The following ENTREP2 variants were observed in gnomAD, a reference collection of about 807,000 sequenced individuals.
ENTREP2 encodes the protein protein ENTREP2.
the ENTREP2 span, among the ~76,000 whole-genome samples, chr15:29,170,563 CAA>C: frequency 6.6e-6 from 1 of 151,858 alleles, no homozygotes; most frequent in African/African-American, 2.4e-5. Flanking sequence ...GGAATTCCAA[CAA>C]AGACCACAAC....
At chr15:29,170,930 T>C in the ENTREP2 span, among the ~76,000 whole-genome samples, 8 of 152,196 alleles carry the variant, frequency 5.3e-5, no homozygotes, top group Non-Finnish European at 1.0e-4. Context: ...TGGCCCACAG[T>C]TCTGGAGGCT....
the ENTREP2 span, among the ~76,000 whole-genome samples, chr15:29,310,488 A>C: frequency 2.0e-5 from 3 of 152,230 alleles, no homozygotes; most frequent in Non-Finnish European, 2.9e-5. Context: ...GGATGTGCTC[A>C]GCCCCTGGGG....
At chr15:29,462,256 G>A in the ENTREP2 span, among the ~76,000 whole-genome samples, 2 of 152,096 alleles carry the variant, frequency 1.3e-5, no homozygotes, top group East Asian at 3.9e-4. Flanking sequence ...CATCCTTTGA[G>A]TATATACCCA....
At chr15:29,286,722 G>C in the ENTREP2 span, among the ~76,000 whole-genome samples, 1 of 152,222 alleles carries the variant, frequency 6.6e-6, no homozygotes. Flanking sequence ...AGGCTCAGCA[G>C]CCAGCATCAA....
At chr15:29,224,401 G>A in the ENTREP2 span, among the ~76,000 whole-genome samples, 1 of 152,132 alleles carries the variant, frequency 6.6e-6, no homozygotes, top group African/African-American at 2.4e-5. Flanking sequence ...GCGCCGGGTT[G>A]CCACTGCTGG....
At chr15:29,567,262 G>C in the ENTREP2 span, among the ~76,000 whole-genome samples, 572 of 152,272 alleles carry the variant, frequency 3.8e-3, 4 homozygotes, top group Admixed American at 8.9e-3. Context: ...CAACCTTGCC[G>C]AGTCCTCCCC....
the ENTREP2 span, among the ~76,000 whole-genome samples, chr15:29,386,564 C>G: frequency 6.6e-6 from 1 of 152,200 alleles, no homozygotes; most frequent in African/African-American, 2.4e-5. Context: ...ATTTGCTACA[C>G]AGCAACAGAA....
the ENTREP2 span, among the ~76,000 whole-genome samples, chr15:29,602,935 G>A: frequency 6.6e-6 from 1 of 152,182 alleles, no homozygotes; most frequent in African/African-American, 2.4e-5. Context: ...CATGTGCAAA[G>A]ACCCTGGGGC....
chr15:29,530,096 C>T, the ENTREP2 span, among the ~76,000 whole-genome samples: 2 of 152,146 alleles, frequency 1.3e-5, no homozygotes, highest in East Asian at 3.9e-4. Flanking sequence ...CTTTCCCGCT[C>T]ACATCTCCCA....
At chr15:29,444,174 GAA>G in the ENTREP2 span, among the ~76,000 whole-genome samples, 196 of 29,652 alleles carry the variant, frequency 6.6e-3, 2 homozygotes, top group African/African-American at 0.026. Flanking sequence ...GACAGACAAA[GAA>G]AGAAAGAAAG....
the ENTREP2 span, among the ~76,000 whole-genome samples, chr15:29,407,281 A>G: frequency 2.0e-5 from 3 of 152,232 alleles, no homozygotes; most frequent in East Asian, 1.9e-4. Context: ...TCTCAACATA[A>G]TAACGGTACA....
the ENTREP2 span, among the ~76,000 whole-genome samples, chr15:29,616,555 T>A: frequency 6.6e-6 from 1 of 152,228 alleles, no homozygotes. Context: ...TTGCATATAT[T>A]TAAGGTGTAT....
At chr15:29,197,653 C>T in the ENTREP2 span, among the ~76,000 whole-genome samples, 1 of 151,856 alleles carries the variant, frequency 6.6e-6, no homozygotes, top group South Asian at 2.1e-4. Context: ...GTAATCCCAG[C>T]TACTCAAGAG....
the ENTREP2 span, among the ~76,000 whole-genome samples, chr15:29,641,619 G>A: frequency 2.6e-5 from 4 of 152,002 alleles, no homozygotes; most frequent in Non-Finnish European, 5.9e-5. Context: ...ATCACTTGAG[G>A]TCAGGAGTTC....
the ENTREP2 span, among the ~76,000 whole-genome samples, chr15:29,382,511 T>G: frequency 6.6e-6 from 1 of 152,158 alleles, no homozygotes; most frequent in South Asian, 2.1e-4. Context: ...TGTCTTCTGA[T>G]GAGGCTCCAG....
the ENTREP2 span, among the ~76,000 whole-genome samples, chr15:29,519,418 C>G: frequency 6.6e-6 from 1 of 151,914 alleles, no homozygotes; most frequent in Non-Finnish European, 1.5e-5. Context: ...CAAGACCAAG[C>G]CCTCCTCTTC....
At chr15:29,125,520 G>A in the ENTREP2 span, among the ~76,000 whole-genome samples, 3 of 152,216 alleles carry the variant, frequency 2.0e-5, no homozygotes, top group South Asian at 6.2e-4. Flanking sequence ...CAAGACCATC[G>A]AGGGGAGACT....
At chr15:29,585,177 T>G in the ENTREP2 span, among the ~76,000 whole-genome samples, 1 of 152,204 alleles carries the variant, frequency 6.6e-6, no homozygotes, top group African/African-American at 2.4e-5. Context: ...GAGTGCTTTA[T>G]AAGACAACAA....
At chr15:29,163,624 G>T in the ENTREP2 span, among the ~76,000 whole-genome samples, 2 of 151,830 alleles carry the variant, frequency 1.3e-5, no homozygotes. Flanking sequence ...AAAGAAAAAA[G>T]AATAAGAAAA....
Sources: allele counts gnomAD v4.1 joint callset (sites outside exome capture counted in the v4.1 genomes callset), GRCh38; gene constraint gnomAD v4.1.1; transcripts MANE v1.5; gene names NCBI Gene and HGNC (gene_info 2026-07-23, HGNC 2026-07-21).